Variants in SPOCK3 observed in about 807,000 individuals in gnomAD.
SPOCK3 encodes the protein SPARC (osteonectin), cwcv and kazal like domains proteoglycan 3, also known as testican-3.
In SPOCK3, 30 loss-of-function variants were observed where a neutral mutation model predicts 56.6. The ratio of observed to expected loss-of-function variants is 0.53; its 90% CI spans 0.40 to 0.72. SPOCK3 has a LOEUF of 0.72. SPOCK3 is among the 30% of genes least tolerant of loss of function. SPOCK3 has a pLI of 0.00. For synonymous variants in SPOCK3, 196 were observed against 183.3 expected (o/e 1.07, Z -0.56); for missense variants, 527 against 530.0 (o/e 0.99, Z 0.06).
chr4:167,152,349 C>G (rs771227876), intron 2 of SPOCK3, among the ~76,000 whole-genome samples: 2 of 152,072 alleles, frequency 1.3e-5, no homozygotes, highest in African/African-American at 4.8e-5. Flanking sequence ...TGAAGAGAGC[C>G]GCAAAATGAT....
intron 7 of SPOCK3, among the ~76,000 whole-genome samples, chr4:166,791,659 TA>T (rs988738581): frequency 3.3e-5 from 5 of 152,160 alleles, no homozygotes; most frequent in Non-Finnish European, 7.4e-5. Flanking sequence ...TACTGATAAT[TA>T]AAAAAAATTG....
intron 3 of SPOCK3, among the ~76,000 whole-genome samples, chr4:167,059,661 C>G (rs1376124242): frequency 6.6e-6 from 1 of 151,992 alleles, no homozygotes; most frequent in Non-Finnish European, 1.5e-5. Flanking sequence ...GGTATATACC[C>G]AAAGGACTAT....
chr4:166,856,747 C>T (rs1367753779), intron 6 of SPOCK3, among the ~76,000 whole-genome samples: 3 of 151,938 alleles, frequency 2.0e-5, no homozygotes, highest in African/African-American at 7.3e-5. Flanking sequence ...GCACTCCAGC[C>T]TAGGTGACAG....
At chr4:167,155,369 C>T (rs184804645) in intron 2 of SPOCK3, among the ~76,000 whole-genome samples, 305 of 151,890 alleles carry the variant, frequency 2.0e-3, no homozygotes, top group African/African-American at 6.8e-3. Context: ...CCACCCGCCT[C>T]GGCCTCCCAA....
At chr4:167,058,843 G>A (rs1357214485) in intron 3 of SPOCK3, among the ~76,000 whole-genome samples, 20 of 152,014 alleles carry the variant, frequency 1.3e-4, no homozygotes, top group Admixed American at 4.6e-4. Flanking sequence ...CAGAAATAAC[G>A]CCATGTATCT....
At chr4:166,971,270 T>C (rs555024370) in intron 4 of SPOCK3, among the ~76,000 whole-genome samples, 1 of 152,326 alleles carries the variant, frequency 6.6e-6, no homozygotes, top group Non-Finnish European at 1.5e-5. Flanking sequence ...GTTTTTATTT[T>C]TCCCCCCATG....
intron 2 of SPOCK3, among the ~76,000 whole-genome samples, chr4:167,075,237 A>G (rs997594775): frequency 6.6e-6 from 1 of 151,902 alleles, no homozygotes; most frequent in African/African-American, 2.4e-5. Context: ...CCACTTAAAA[A>G]TTGAAATGAA....
At chr4:166,948,297 G>A (rs928891987) in intron 4 of SPOCK3, among the ~76,000 whole-genome samples, 1 of 152,102 alleles carries the variant, frequency 6.6e-6, no homozygotes, top group Non-Finnish European at 1.5e-5. Context: ...CTTGGCTATT[G>A]TGAATAGTAG....
At chr4:166,873,624 GAT>G (rs1732738797) in intron 6 of SPOCK3, among the ~76,000 whole-genome samples, 1 of 152,096 alleles carries the variant, frequency 6.6e-6, no homozygotes. Flanking sequence ...ACTTATAGGA[GAT>G]ATATATTGGA....
chr4:167,223,643 A>G (rs1038509720), intron 2 of SPOCK3, among the ~76,000 whole-genome samples: 3 of 151,942 alleles, frequency 2.0e-5, no homozygotes, highest in East Asian at 3.9e-4. Context: ...TGGGGATATT[A>G]CTAATTAATA....
intron 4 of SPOCK3, among the ~76,000 whole-genome samples, chr4:166,955,183 T>C (rs183151728): frequency 6.6e-6 from 1 of 152,156 alleles, no homozygotes; most frequent in East Asian, 1.9e-4. Context: ...TATTTCTGGG[T>C]TAAACAGAAA....
At chr4:166,824,188 T>C (rs1011293321) in intron 6 of SPOCK3, among the ~76,000 whole-genome samples, 1 of 152,106 alleles carries the variant, frequency 6.6e-6, no homozygotes, top group Admixed American at 6.6e-5. Flanking sequence ...ACCTGTTCAA[T>C]TGCTACCCAA....
At chr4:167,232,164 A>G (rs1737243210) in intron 2 of SPOCK3, among the ~76,000 whole-genome samples, 1 of 152,142 alleles carries the variant, frequency 6.6e-6, no homozygotes, top group African/African-American at 2.4e-5. Flanking sequence ...TAAGTCAAAC[A>G]CATTCACAAA....
intron 2 of SPOCK3, among the ~76,000 whole-genome samples, chr4:167,110,104 A>T (rs984726062): frequency 6.6e-6 from 1 of 152,018 alleles, no homozygotes; most frequent in African/African-American, 2.4e-5. Flanking sequence ...ACAAAGTTGC[A>T]TGTAGTTGGA....
At chr4:166,851,010 G>C (rs1010577262) in intron 6 of SPOCK3, among the ~76,000 whole-genome samples, 2 of 152,210 alleles carry the variant, frequency 1.3e-5, no homozygotes, top group Admixed American at 6.5e-5. Context: ...CCACCTCTGG[G>C]GGCAGGGCAC....
At chr4:166,888,595 A>G (rs1265459649) in intron 6 of SPOCK3, among the ~76,000 whole-genome samples, 2 of 152,062 alleles carry the variant, frequency 1.3e-5, no homozygotes, top group African/African-American at 4.8e-5. Context: ...TTTTTATTAG[A>G]TAGTAAACCA....
intron 3 of SPOCK3, among the ~76,000 whole-genome samples, chr4:167,052,847 A>T (rs1462840060): frequency 6.6e-6 from 1 of 152,232 alleles, no homozygotes; most frequent in Non-Finnish European, 1.5e-5. Flanking sequence ...TCTAATCTAC[A>T]TAAACTATTC....
chr4:166,969,478 T>C (rs190604945), intron 4 of SPOCK3, among the ~76,000 whole-genome samples: 205 of 152,230 alleles, frequency 1.3e-3, no homozygotes, highest in African/African-American at 4.9e-3. Flanking sequence ...TTTCATGAGA[T>C]CTAGTTGTTT....
chr4:167,231,404 T>A (rs1035838170), intron 2 of SPOCK3, among the ~76,000 whole-genome samples: 1 of 152,048 alleles, frequency 6.6e-6, no homozygotes, highest in African/African-American at 2.4e-5. Context: ...TTATATTTTA[T>A]GGGAAAAAAG....
Sources: gnomAD v4.1 joint callset for allele counts (sites outside exome capture counted in the v4.1 genomes callset) on GRCh38, gnomAD v4.1.1 for gene constraint, MANE v1.5 for transcripts, NCBI Gene and HGNC (gene_info 2026-07-23, HGNC 2026-07-21) for gene names.